Variants in RASGEF1C observed in about 807,000 individuals in gnomAD.
RASGEF1C encodes the protein RasGEF domain family member 1C.
RASGEF1C carries 27 observed loss-of-function variants against 58.1 expected under a neutral mutation model. That is an observed-to-expected ratio of 0.46 (90% CI 0.34 to 0.64). The LOEUF (loss-of-function observed/expected upper bound fraction) is 0.64. Ranked by LOEUF, RASGEF1C falls within the 30% of genes least tolerant of loss-of-function variation. The pLI, the probability that RASGEF1C is intolerant of heterozygous loss-of-function variation, is 0.01. For synonymous variants in RASGEF1C, 243 were observed against 246.3 expected, an observed-to-expected ratio of 0.99 and a Z score of 0.13; for missense variants, 502 against 605.1, an observed-to-expected ratio of 0.83 and a Z score of 1.79.
intron 12 of RASGEF1C, among the ~76,000 whole-genome samples, chr5:180,110,049 T>G (rs952559326): frequency 6.6e-6 from 1 of 152,210 alleles, no homozygotes; most frequent in Non-Finnish European, 1.5e-5. Flanking sequence ...AACAGGAAAC[T>G]CACGCACTAG....
At chr5:180,115,901 C>T (rs1266801493) in intron 10 of RASGEF1C, among the ~76,000 whole-genome samples, 4 of 152,092 alleles carry the variant, frequency 2.6e-5, no homozygotes, top group Non-Finnish European at 5.9e-5. Flanking sequence ...GTGTCTGTGC[C>T]CTCCCTCAGT....
At chr5:180,170,515 C>T (rs1767092359) in intron 1 of RASGEF1C, among the ~76,000 whole-genome samples, 2 of 152,304 alleles carry the variant, frequency 1.3e-5, no homozygotes, top group African/African-American at 2.4e-5. Context: ...GTCCTTCCAG[C>T]CCCCGCGCTA....
chr5:180,190,694 T>C (rs1756149155), intron 1 of RASGEF1C, among the ~76,000 whole-genome samples: 1 of 151,532 alleles, frequency 6.6e-6, no homozygotes, highest in Admixed American at 6.6e-5. Context: ...ATAAAAATTT[T>C]AAAAATTACA....
At chr5:180,113,553 C>G (rs201167460) in intron 11 of RASGEF1C, among the ~76,000 whole-genome samples, 79 of 19,668 alleles carry the variant, frequency 4.0e-3, no homozygotes, top group African/African-American at 5.1e-3. Context: ...CGGAGGGATC[C>G]GGGATGGACG....
chr5:180,119,784 C>A (rs1018689690), intron 7 of RASGEF1C, among the ~76,000 whole-genome samples: 3 of 152,216 alleles, frequency 2.0e-5, no homozygotes, highest in Non-Finnish European at 4.4e-5. Context: ...AATTAGAGAG[C>A]CCCAACTACT....
rs1399438466 is a variant in RASGEF1C at position 180,177,549 on chromosome 5, C to A, written c.-7+31479G>T. Reference sequence around the variant, plus strand: ...CATGGCCTCTGCGGCTTCTGCCTGGCCAGCATCTGTTCTTCCCTCTGAAAA... The same window carrying A: ...CATGGCCTCTGCGGCTTCTGCCTGGACAGCATCTGTTCTTCCCTCTGAAAA... On this transcript the variant is annotated intron_variant, in intron 1 of 13. Coordinates refer to ENST00000361132, the MANE Select transcript of RASGEF1C (RefSeq NM_175062.4). This position sits in a 1 kb window ranked among gnomAD's most constrained non-coding sequence, Gnocchi z 5.0. Among the ~76,000 whole-genome samples the A allele has an allele frequency of 1.3e-5, 2 of 152,236 alleles. No homozygotes were observed. The highest frequency in any genetic ancestry group is 2.9e-5 in the Non-Finnish European group (2 of 68,050).
intron 4 of RASGEF1C, among the ~76,000 whole-genome samples, chr5:180,133,785 T>C (rs954214597): frequency 6.6e-6 from 1 of 152,088 alleles, no homozygotes; most frequent in African/African-American, 2.4e-5. Context: ...TTCACTTTTG[T>C]ATGTTTGAAA....
chr5:180,155,470 T>G lies in RASGEF1C; in HGVS notation c.-6-17412A>C, dbSNP rs950967872. 3.3e-5 allele frequency among the ~76,000 whole-genome samples: 5 copies of G among 152,248 alleles called. No homozygotes were observed. In the South Asian group the frequency reaches 8.3e-4, roughly 25 times the overall value. ...CCTTCAGGAGGGCAACGCGCTTGGC[T>G]GTGAGGGGAGGATTGGCCTGAGTTA... On this transcript the variant is annotated intron_variant, in intron 1 of 13. Transcript: ENST00000361132. This position sits in a 1 kb window ranked among gnomAD's most constrained non-coding sequence, Gnocchi z 5.2.
intron 1 of RASGEF1C, among the ~76,000 whole-genome samples, chr5:180,179,213 G>A (rs543070991): frequency 2.4e-4 from 36 of 152,186 alleles, no homozygotes; most frequent in African/African-American, 8.7e-4. Flanking sequence ...TGCAGGAGGG[G>A]GACTGCTGAC....
chr5:180,143,609 A>G lies in RASGEF1C; in HGVS notation c.-6-5551T>C, dbSNP rs1766617687. 6.6e-6 allele frequency among the ~76,000 whole-genome samples: 1 copy of G among 152,304 alleles called. No individual in the cohort carries two copies. Among genetic ancestry groups the G allele is most frequent in the South Asian group, 2.1e-4 (1 of 4,824 alleles). ...TGGCGTGCTCAGACCTTCCTGGTGT[A>G]AAAGTCATCCAGGACATCCAGGACT... On this transcript the variant is annotated intron_variant, in intron 1 of 13. Coordinates refer to ENST00000361132, the MANE Select transcript of RASGEF1C (RefSeq NM_175062.4). The surrounding 1 kb of genome is among the most constrained non-coding windows in gnomAD (Gnocchi z 4.3).
At chr5:180,190,931 A>G (rs1756152313) in intron 1 of RASGEF1C, among the ~76,000 whole-genome samples, 1 of 152,236 alleles carries the variant, frequency 6.6e-6, no homozygotes, top group East Asian at 1.9e-4. Flanking sequence ...TATTTGATGA[A>G]AAGAACCCTC....
chr5:180,118,921 C>A, intron 8 of RASGEF1C, 55 bp from the exon 9 acceptor site: 1 of 1,519,020 alleles, frequency 6.6e-7, no homozygotes, highest in South Asian at 1.1e-5. Context: ...GGGGCCTCTG[C>A]GTAGCTGCAC....
intron 1 of RASGEF1C, among the ~76,000 whole-genome samples, chr5:180,203,584 C>A (rs1489050931): frequency 1.3e-5 from 2 of 152,262 alleles, no homozygotes; most frequent in African/African-American, 2.4e-5. Context: ...CTCAGCTAAG[C>A]CATGCCCAGG....
At chr5:180,173,849 T>G (rs60112264) in intron 1 of RASGEF1C, among the ~76,000 whole-genome samples, 16 of 150,272 alleles carry the variant, frequency 1.1e-4, no homozygotes, top group East Asian at 5.9e-4. Flanking sequence ...GGAGGCGGAG[T>G]TTGCAGTGAG....
intron 4 of RASGEF1C, among the ~76,000 whole-genome samples, chr5:180,129,723 G>A (rs1018960649): frequency 3.9e-5 from 6 of 152,194 alleles, no homozygotes; most frequent in Admixed American, 2.6e-4. Context: ...GTGCGCCATC[G>A]CTGGGGACCA....
Position 180,111,519 on chromosome 5 carries a change from G to T in RASGEF1C, c.1241C>A (p.Pro414His), listed in dbSNP as rs1765960103. The T allele has an allele frequency of 6.2e-7, 1 of 1,614,042 alleles. No individual in the cohort carries two copies. Among genetic ancestry groups the T allele is most frequent in the African/African-American group, 1.3e-5 (1 of 74,908 alleles). The change falls in exon 12 of 14, where the codon CCC becomes CAC. Residue 414 changes from proline to histidine, a missense_variant. Coordinates refer to ENST00000361132, the MANE Select transcript of RASGEF1C (RefSeq NM_175062.4). ...EFITWKQVEC[P>H]FEQDASITHY... ...GGTGATGCTGGCGTCTTGCTCGAAG[G>T]GACACTCCACTTGTTTCCAGGTGAT...
At chr5:180,208,038 G>A (rs927706301) in intron 1 of RASGEF1C, among the ~76,000 whole-genome samples, 5 of 152,180 alleles carry the variant, frequency 3.3e-5, no homozygotes, top group Admixed American at 1.3e-4. Context: ...CACACAGTAG[G>A]CGCTCAATGA....
At chr5:180,113,938 TCTGC>T (rs1014678876) in intron 11 of RASGEF1C, among the ~76,000 whole-genome samples, 5 of 152,104 alleles carry the variant, frequency 3.3e-5, no homozygotes, top group Non-Finnish European at 5.9e-5. Context: ...GTGGGCTCTC[TCTGC>T]CTGGCAGGTC....
rs191263025 is a variant in RASGEF1C at position 180,195,747 on chromosome 5, A to T, written c.-7+13281T>A. Reference sequence around the variant, plus strand: ...ACTACTGCACTCCAGCCTGGGCGACAGAGCGAGACTCCGTCTCAAAAAAAA... The same window carrying T: ...ACTACTGCACTCCAGCCTGGGCGACTGAGCGAGACTCCGTCTCAAAAAAAA... On this transcript the variant is annotated intron_variant, in intron 1 of 13. Transcript: ENST00000361132. Among the ~76,000 whole-genome samples, 931 of 151,976 alleles carry T rather than the reference A, an allele frequency of 6.1e-3. 8 individuals carry two copies. Among genetic ancestry groups the T allele is most frequent in the African/African-American group, 0.021 (883 of 41,466 alleles).
Sources: gnomAD v4.1 joint callset for allele counts (sites outside exome capture counted in the v4.1 genomes callset) on GRCh38, gnomAD v4.1.1 for gene constraint, Gnocchi (gnomAD v3.1) non-coding constraint, MANE v1.5 for transcripts, NCBI Gene and HGNC (gene_info 2026-07-23, HGNC 2026-07-21) for gene names.